The following CDH4 variants were observed in gnomAD, a reference collection of about 807,000 sequenced individuals.
CDH4 encodes cadherin-4.
In CDH4, 33 loss-of-function variants were observed where a neutral mutation model predicts 86.0. That is an observed-to-expected ratio of 0.38 (90% confidence interval 0.29 to 0.51). CDH4 has a LOEUF of 0.51. Ranked by LOEUF, CDH4 falls within the 20% of genes least tolerant of loss-of-function variation. CDH4 has a pLI of 0.86. For synonymous variants in CDH4, 555 were observed against 549.4 expected, an observed-to-expected ratio of 1.01 and a Z score of -0.14; for missense variants, 1,114 against 1,307.4, an observed-to-expected ratio of 0.85 and a Z score of 2.28.
intron 2 of CDH4, among the ~76,000 whole-genome samples, chr20:61,430,912 C>T (rs1032903687): frequency 8.5e-5 from 13 of 152,232 alleles, no homozygotes; most frequent in Non-Finnish European, 1.5e-4. Context: ...AGCCCCCAGG[C>T]TTCAGGGTTC....
chr20:61,687,445 C>G (rs2145867198), intron 2 of CDH4, among the ~76,000 whole-genome samples: 1 of 152,344 alleles, frequency 6.6e-6, no homozygotes. Context: ...CGGGGACCCA[C>G]AGACACTGCC....
intron 2 of CDH4, among the ~76,000 whole-genome samples, chr20:61,413,571 G>C (rs1219639896): frequency 2.0e-5 from 3 of 152,144 alleles, no homozygotes; most frequent in African/African-American, 7.2e-5. Context: ...ACACACCCCC[G>C]CACAACTGCC....
intron 2 of CDH4, among the ~76,000 whole-genome samples, chr20:61,694,181 C>T (rs1310057368): frequency 1.3e-5 from 2 of 152,114 alleles, no homozygotes; most frequent in African/African-American, 4.8e-5. Context: ...CATGCCCAGA[C>T]CCAGACACTC....
chr20:61,622,513 C>G (rs7269312), intron 2 of CDH4, among the ~76,000 whole-genome samples: 1 of 152,256 alleles, frequency 6.6e-6, no homozygotes, highest in South Asian at 2.1e-4. Flanking sequence ...GTGGCCCATG[C>G]CAAAGAGTCT....
intron 2 of CDH4, among the ~76,000 whole-genome samples, chr20:61,580,551 T>C (rs1191352356): frequency 6.6e-6 from 1 of 152,236 alleles, no homozygotes; most frequent in Non-Finnish European, 1.5e-5. Flanking sequence ...TGTAGACCTC[T>C]CACACCTTAA....
intron 2 of CDH4, among the ~76,000 whole-genome samples, chr20:61,725,094 A>T (rs983232076): frequency 6.6e-6 from 1 of 152,242 alleles, no homozygotes; most frequent in African/African-American, 2.4e-5. Context: ...CCTGGGCGAC[A>T]GAGTGAGACC....
intron 2 of CDH4, among the ~76,000 whole-genome samples, chr20:61,364,539 A>AG (rs2084800973): frequency 6.6e-6 from 1 of 152,134 alleles, no homozygotes; most frequent in African/African-American, 2.4e-5. Flanking sequence ...CCGCATCAGG[A>AG]GGGGGGTTCC....
intron 2 of CDH4, among the ~76,000 whole-genome samples, chr20:61,611,659 G>A (rs1303354341): frequency 6.6e-6 from 1 of 152,132 alleles, no homozygotes; most frequent in Non-Finnish European, 1.5e-5. Context: ...ACTAGCATGA[G>A]CGATTCCTCC....
rs142166980 is a variant in CDH4 at position 61,617,572 on chromosome 20, T to A, written c.170-125991T>A. ...AGGCACAGCTGAGCTTCGTGCCCCT[T>A]CGTGGGTCACAGGTTCGAAATCTGG... On this transcript the variant is annotated intron_variant, in intron 2 of 15. Transcript: ENST00000614565. 3.9e-3 allele frequency among the ~76,000 whole-genome samples: 593 copies of A among 152,348 alleles called. 4 individuals are homozygous for A. The highest frequency in any genetic ancestry group is 0.013 in the African/African-American group (544 of 41,584).
intron 2 of CDH4, among the ~76,000 whole-genome samples, chr20:61,641,134 G>C (rs887668622): frequency 1.6e-4 from 24 of 152,306 alleles, no homozygotes; most frequent in African/African-American, 5.5e-4. Context: ...ACAGGAAGGC[G>C]GCAGGATGGA....
chr20:61,514,858 T>C (rs2085806890), intron 2 of CDH4, among the ~76,000 whole-genome samples: 1 of 152,194 alleles, frequency 6.6e-6, no homozygotes, highest in Non-Finnish European at 1.5e-5. Context: ...GTCATCACTG[T>C]AATGTTTTCT....
At chr20:61,395,083 C>T (rs1305000049) in intron 2 of CDH4, among the ~76,000 whole-genome samples, 2 of 151,432 alleles carry the variant, frequency 1.3e-5, no homozygotes, top group Non-Finnish European at 2.9e-5. Context: ...GAGGACAGGA[C>T]ACTGGGCAGG....
At chr20:61,267,840 C>T (rs906403258) in intron 2 of CDH4, among the ~76,000 whole-genome samples, 1 of 152,160 alleles carries the variant, frequency 6.6e-6, no homozygotes, top group Non-Finnish European at 1.5e-5. Flanking sequence ...AACCGCTTTA[C>T]TGTGGAAATG....
At chr20:61,512,332 C>A (rs528651723) in intron 2 of CDH4, among the ~76,000 whole-genome samples, 1 of 152,280 alleles carries the variant, frequency 6.6e-6, no homozygotes, top group South Asian at 2.1e-4. Context: ...GTTCTTATAG[C>A]CAGGCCCGGG....
At chr20:61,798,304 G>A (rs933549296) in intron 4 of CDH4, among the ~76,000 whole-genome samples, 9 of 152,006 alleles carry the variant, frequency 5.9e-5, no homozygotes, top group African/African-American at 2.2e-4. Flanking sequence ...CATCCCCGCT[G>A]TGGGCGGCCC....
intron 2 of CDH4, among the ~76,000 whole-genome samples, chr20:61,679,255 G>A (rs1044314439): frequency 2.0e-5 from 3 of 152,062 alleles, no homozygotes; most frequent in African/African-American, 4.8e-5. Context: ...CTGTGTCCTC[G>A]TCTCTCTTAC....
At position 61,807,269 on chromosome 20, in the gene CDH4, T is replaced by C. The variant is rs1470120453; in HGVS notation, c.576+34087T>C. Among the ~76,000 whole-genome samples, 1 of 152,222 alleles carries C rather than the reference T, an allele frequency of 6.6e-6. No individual in the cohort carries two copies. The highest frequency in any genetic ancestry group is 3.4e-3 in the Middle Eastern group (1 of 294). ...GTTGTAGAGACTGGGTGTTGTCCAG[T>C]CCATGGAGCTGTATTCAGAACCACC... On this transcript the variant is annotated intron_variant, in intron 4 of 15. Coordinates refer to ENST00000614565, the MANE Select transcript of CDH4 (RefSeq NM_001794.5). This position sits in a 1 kb window ranked among gnomAD's most constrained non-coding sequence, Gnocchi z 4.5.
In CDH4 at chr20:61,582,829, C is replaced by G. The variant is rs1338382368; in HGVS notation, c.170-160734C>G. ...CTCCACTCATCTAAGCTGTGCAAATCAACGATGTCTACATTCAGAGTTGTG... is the reference window on the plus strand; with the variant it reads ...CTCCACTCATCTAAGCTGTGCAAATGAACGATGTCTACATTCAGAGTTGTG... On this transcript the variant is annotated intron_variant, in intron 2 of 15. Transcript: ENST00000614565. This position sits in a 1 kb window ranked among gnomAD's most constrained non-coding sequence, Gnocchi z 4.2. 6.6e-6 allele frequency among the ~76,000 whole-genome samples: 1 copy of G among 152,174 alleles called. No homozygotes were observed. Among genetic ancestry groups the G allele is most frequent in the Non-Finnish European group, 1.5e-5 (1 of 68,032 alleles).
At position 61,544,899 on chromosome 20, in the gene CDH4, C is replaced by A. The variant is rs150923360; in HGVS notation, c.170-198664C>A. On this transcript the variant is annotated intron_variant, in intron 2 of 15. Transcript: ENST00000614565. This position sits in a 1 kb window ranked among gnomAD's most constrained non-coding sequence, Gnocchi z 6.5. ...AGGGGGTCTTGGAACTTGGTACATA[C>A]AGGTGCTAGGTACAATCAAATGTAT... 3.3e-5 allele frequency among the ~76,000 whole-genome samples: 5 copies of A among 152,218 alleles called. No homozygotes were observed. The East Asian group carries it at 9.7e-4, about 30-fold the overall frequency.
Sources: allele counts gnomAD v4.1 joint callset (sites outside exome capture counted in the v4.1 genomes callset), GRCh38; gene constraint gnomAD v4.1.1; non-coding constraint Gnocchi (gnomAD v3.1); transcripts MANE v1.5; gene names NCBI Gene and HGNC (gene_info 2026-07-23, HGNC 2026-07-21).